DKK2: variants seen among roughly 807,000 people sequenced by gnomAD.
DKK2 encodes the protein dickkopf-related protein 2.
DKK2 carries 11 observed loss-of-function variants against 28.1 expected under a neutral mutation model. The ratio of observed to expected loss-of-function variants is 0.39; its 90% confidence interval spans 0.25 to 0.65. The LOEUF (loss-of-function observed/expected upper bound fraction) is 0.65. DKK2 is among the 30% of genes least tolerant of loss of function. The pLI, the probability that DKK2 is intolerant of heterozygous loss-of-function variation, is 0.47. For missense variants in DKK2, 326 were observed against 335.5 expected, an observed-to-expected ratio of 0.97 and a Z score of 0.22; for synonymous variants, 135 against 126.5, an observed-to-expected ratio of 1.07 and a Z score of -0.45.
intron 1 of DKK2, among the ~76,000 whole-genome samples, chr4:106,994,833 G>GCCCT (rs1394383011): frequency 6.6e-6 from 1 of 152,204 alleles, no homozygotes; most frequent in Non-Finnish European, 1.5e-5. Context: ...ACTGGAGGAA[G>GCCCT]CCCTGCAAGG....
Position 106,985,691 on chromosome 4 carries a change from C to T in DKK2, c.222+49679G>A, listed in dbSNP as rs143080753. Reference sequence around the variant, plus strand: ...CGGCATGGTGGCGGGCGCCTGTAATCCCAACTATACAGGAGACTGAGGCAG... The same window carrying T: ...CGGCATGGTGGCGGGCGCCTGTAATTCCAACTATACAGGAGACTGAGGCAG... On this transcript the variant is annotated intron_variant, in intron 1 of 3. Coordinates refer to ENST00000285311, the MANE Select transcript of DKK2 (RefSeq NM_014421.3). Among the ~76,000 whole-genome samples the T allele has an allele frequency of 8.4e-3, 1,279 of 151,664 alleles. 6 individuals carry two copies. Among genetic ancestry groups the T allele is most frequent in the Middle Eastern group, 0.02 (6 of 294 alleles).
At chr4:107,010,381 G>A (rs1723499326) in intron 1 of DKK2, among the ~76,000 whole-genome samples, 1 of 151,550 alleles carries the variant, frequency 6.6e-6, no homozygotes. Context: ...AATCTACTAA[G>A]TGTACATTGC....
chr4:106,959,067 T>A (rs758607975), intron 1 of DKK2, among the ~76,000 whole-genome samples: 16 of 152,050 alleles, frequency 1.1e-4, no homozygotes, highest in Non-Finnish European at 2.1e-4. Context: ...TGTGTAAATT[T>A]ATTTTCTTAA....
intron 1 of DKK2, among the ~76,000 whole-genome samples, chr4:106,972,093 A>C (rs1047803222): frequency 6.6e-6 from 1 of 152,082 alleles, no homozygotes; most frequent in Non-Finnish European, 1.5e-5. Context: ...TTACTAATAC[A>C]CTTTTTTCAG....
At position 106,923,541 on chromosome 4, in the gene DKK2, T is replaced by C. The variant is rs564078425; in HGVS notation, c.*413A>G. 1 of 161,010 alleles carries C rather than the reference T, an allele frequency of 6.2e-6. No homozygotes were observed. The highest frequency in any genetic ancestry group is 1.8e-4 in the East Asian group (1 of 5,584). 10.0% of individuals were successfully genotyped at this position (161,010 alleles called of 1,614,324 possible). On this transcript the variant is annotated 3_prime_UTR_variant, in exon 4 of 4. Coordinates refer to ENST00000285311, the MANE Select transcript of DKK2 (RefSeq NM_014421.3). ...GTATAACAAGTTATTCTAGGAGTAT[T>C]TTGTTAAACTCTAACGTTGAATAGA...
At position 106,924,146 on chromosome 4, in the gene DKK2, A is replaced by T; in HGVS notation, c.588T>A (p.Ala196=). Reference sequence around the variant, plus strand: ...TGCAGATTTTGGTCCAGAAATGACGAGCACAGCAAAACCCTTCAATGCAGT... The same window carrying T: ...TGCAGATTTTGGTCCAGAAATGACGTGCACAGCAAAACCCTTCAATGCAGT... The part of the protein sequence containing the change: ...SSDCIEGFCC[A]RHFWTKICKP... Residue 196 remains alanine, a synonymous_variant, in exon 4 of 4, where the codon GCT becomes GCA. Transcript: ENST00000285311. 6.2e-7 allele frequency: 1 copy of T among 1,614,008 alleles called. No individual in the cohort carries two copies. Among genetic ancestry groups the T allele is most frequent in the South Asian group, 1.1e-5 (1 of 91,086 alleles).
intron 1 of DKK2, among the ~76,000 whole-genome samples, chr4:106,958,088 C>A (rs1182289597): frequency 6.7e-6 from 1 of 149,750 alleles, no homozygotes; most frequent in Non-Finnish European, 1.5e-5. Context: ...TTTCTATGAC[C>A]TACAAAAGAA....
chr4:106,936,511 G>T (rs1431016424), intron 1 of DKK2, among the ~76,000 whole-genome samples: 1 of 152,188 alleles, frequency 6.6e-6, no homozygotes, highest in African/African-American at 2.4e-5. Context: ...GAAAGGGATG[G>T]GGAGAATGGA....
At chr4:107,014,382 A>T (rs1373277460) in intron 1 of DKK2, among the ~76,000 whole-genome samples, 2 of 151,566 alleles carry the variant, frequency 1.3e-5, no homozygotes, top group African/African-American at 4.8e-5. Flanking sequence ...ATAATAAGCC[A>T]TGAAAAGAAA....
intron 1 of DKK2, among the ~76,000 whole-genome samples, chr4:106,935,862 A>T (rs1225937839): frequency 3.3e-5 from 5 of 152,308 alleles, no homozygotes; most frequent in Admixed American, 2.0e-4. Flanking sequence ...TCACACTGAC[A>T]CCTCACACGG....
intron 1 of DKK2, among the ~76,000 whole-genome samples, chr4:106,987,866 CTTT>C (rs397994875): frequency 2.9e-5 from 4 of 137,912 alleles, no homozygotes; most frequent in Admixed American, 7.4e-5. Context: ...TTACTCTCTT[CTTT>C]TTTTTTTTTT....
intron 1 of DKK2, among the ~76,000 whole-genome samples, chr4:107,011,620 A>G (rs1723518761): frequency 1.3e-5 from 2 of 151,440 alleles, no homozygotes; most frequent in African/African-American, 4.8e-5. Context: ...GAGAGTCAAC[A>G]TGTAATAAAA....
At chr4:106,973,089 G>A (rs11097941) in intron 1 of DKK2, among the ~76,000 whole-genome samples, 30,617 of 152,030 alleles carry the variant, frequency 0.2, 3,376 homozygotes, top group East Asian at 0.42. Flanking sequence ...TTATGGCTGC[G>A]TAGTATTCCA....
chr4:107,021,825 C>T (rs567127998), intron 1 of DKK2, among the ~76,000 whole-genome samples: 3 of 152,200 alleles, frequency 2.0e-5, no homozygotes, highest in African/African-American at 7.2e-5. Context: ...TTTACAATGT[C>T]AGCATAATGC....
chr4:106,992,431 G>A (rs1431807455), intron 1 of DKK2, among the ~76,000 whole-genome samples: 1 of 152,104 alleles, frequency 6.6e-6, no homozygotes, highest in Non-Finnish European at 1.5e-5. Flanking sequence ...CCCACCTCTT[G>A]GCCATTGAAA....
At chr4:106,927,878 C>T (rs777055684) in intron 1 of DKK2, among the ~76,000 whole-genome samples, 8 of 152,152 alleles carry the variant, frequency 5.3e-5, no homozygotes, top group Non-Finnish European at 1.0e-4. Context: ...CATGCTCTTT[C>T]AATGGAAATA....
At chr4:106,940,103 A>G (rs1257362500) in intron 1 of DKK2, among the ~76,000 whole-genome samples, 1 of 152,236 alleles carries the variant, frequency 6.6e-6, no homozygotes, top group Non-Finnish European at 1.5e-5. Flanking sequence ...GCCAAAATTG[A>G]CAAATGGGAT....
In DKK2 at chr4:106,981,207, G is replaced by A. The variant is rs547226845; in HGVS notation, c.222+54163C>T. 2.0e-5 allele frequency among the ~76,000 whole-genome samples: 3 copies of A among 151,990 alleles called. No homozygotes were observed. The East Asian group carries it at 5.8e-4, about 29-fold the overall frequency. ...ATTGTGCCCTAAAGATACTTGAAGG[G>A]GTGGTCTAAATTGAAGGAAAAAAAA... is the stretch of plus-strand genomic sequence containing the variant. On this transcript the variant is annotated intron_variant, in intron 1 of 3. Coordinates refer to ENST00000285311, the MANE Select transcript of DKK2 (RefSeq NM_014421.3).
At chr4:106,990,881 T>A (rs1723194372) in intron 1 of DKK2, among the ~76,000 whole-genome samples, 1 of 151,910 alleles carries the variant, frequency 6.6e-6, no homozygotes, top group Non-Finnish European at 1.5e-5. Context: ...AAAAGACCTG[T>A]CTATCTTTTT....
Sources: allele counts gnomAD v4.1 joint callset (sites outside exome capture counted in the v4.1 genomes callset), GRCh38; gene constraint gnomAD v4.1.1; transcripts MANE v1.5; gene names NCBI Gene and HGNC (gene_info 2026-07-23, HGNC 2026-07-21).